STK3: variants seen among roughly 807,000 people sequenced by gnomAD.
STK3 encodes the protein serine/threonine kinase 3, also known as serine/threonine-protein kinase 3.
A neutral mutation model predicts 58.0 loss-of-function variants in STK3; 41 were observed. The ratio of observed to expected loss-of-function variants is 0.71; its 90% CI spans 0.55 to 0.92. The LOEUF (loss-of-function observed/expected upper bound fraction) is 0.92. Ranked by LOEUF, STK3 falls within the 40% of genes least tolerant of loss-of-function variation. The probability of loss-of-function intolerance (pLI) is 0.00; values close to 1 mark genes in which losing one functional copy is unlikely to be tolerated. For synonymous variants in STK3, 170 were observed against 191.0 expected (o/e 0.89, Z 0.91); for missense variants, 479 against 602.7 (o/e 0.79, Z 2.15).
chr8:98,759,482 T>A (rs1425563721), intron 3 of STK3, among the ~76,000 whole-genome samples: 1 of 152,076 alleles, frequency 6.6e-6, no homozygotes, highest in African/African-American at 2.4e-5. Flanking sequence ...AGATCACTGA[T>A]CACAGATCAC....
At chr8:98,621,629 A>G (rs897532206) in intron 6 of STK3, among the ~76,000 whole-genome samples, 1 of 151,182 alleles carries the variant, frequency 6.6e-6, no homozygotes. Context: ...AATTGCATCA[A>G]ATTTTTTTTT....
downstream of STK3, among the ~76,000 whole-genome samples, chr8:98,449,634 A>G (rs774936260): frequency 6.6e-6 from 1 of 152,146 alleles, no homozygotes; most frequent in African/African-American, 2.4e-5. Context: ...TAATCATCTT[A>G]AAGAGGAGGG....
At chr8:98,741,100 C>T (rs555865954) in intron 4 of STK3, among the ~76,000 whole-genome samples, 1 of 152,238 alleles carries the variant, frequency 6.6e-6, no homozygotes, top group South Asian at 2.1e-4. Context: ...TAAAGCAAGT[C>T]CTGACTGACC....
chr8:98,708,386 A>T (rs1293461598), intron 4 of STK3, among the ~76,000 whole-genome samples: 1 of 152,150 alleles, frequency 6.6e-6, no homozygotes, highest in Non-Finnish European at 1.5e-5. Context: ...GCTTGCAATG[A>T]ATCTTCTGCG....
chr8:98,578,317 A>T (rs1417004880), intron 8 of STK3, among the ~76,000 whole-genome samples: 2 of 152,224 alleles, frequency 1.3e-5, no homozygotes, highest in Non-Finnish European at 2.9e-5. Context: ...CCTGAAAAAA[A>T]TACCTTTTGA....
At chr8:98,767,986 G>A (rs1458447295) in intron 2 of STK3, among the ~76,000 whole-genome samples, 1 of 152,198 alleles carries the variant, frequency 6.6e-6, no homozygotes, top group African/African-American at 2.4e-5. Flanking sequence ...GGGTCTAATA[G>A]TCACTTGCCC....
chr8:98,934,697 C>A (rs962852971), intron 1 of STK3, among the ~76,000 whole-genome samples: 11 of 152,170 alleles, frequency 7.2e-5, no homozygotes, highest in Non-Finnish European at 1.5e-4. Context: ...GGATGGACCA[C>A]CTGAGGTCAG....
intron 4 of STK3, among the ~76,000 whole-genome samples, chr8:98,747,151 A>ATATT (rs1464665937): frequency 6.6e-6 from 1 of 151,962 alleles, no homozygotes; most frequent in East Asian, 1.9e-4. Flanking sequence ...ATACTAACAG[A>ATATT]TATTCTTCAG....
intron 10 of STK3, among the ~76,000 whole-genome samples, chr8:98,520,157 T>C (rs182314708): frequency 1.5e-4 from 23 of 152,300 alleles, no homozygotes; most frequent in Admixed American, 1.5e-3. Flanking sequence ...ACTAGTGCTA[T>C]AATAAACAGA....
intron 10 of STK3, among the ~76,000 whole-genome samples, chr8:98,511,096 T>TA (rs1459708831): frequency 6.6e-6 from 1 of 152,084 alleles, no homozygotes; most frequent in Non-Finnish European, 1.5e-5. Context: ...ATATGAATAA[T>TA]AACATATTCT....
intron 8 of STK3, among the ~76,000 whole-genome samples, chr8:98,570,636 C>T (rs1328749630): frequency 6.6e-6 from 1 of 151,696 alleles, no homozygotes; most frequent in Non-Finnish European, 1.5e-5. Context: ...AAAAAAAACC[C>T]GAAAACTAAA....
chr8:98,814,755 G>A (rs537074386), intron 1 of STK3, among the ~76,000 whole-genome samples: 10 of 152,090 alleles, frequency 6.6e-5, no homozygotes, highest in Non-Finnish European at 1.3e-4. Context: ...CATGATCATC[G>A]CTCACTGGAA....
intron 3 of STK3, among the ~76,000 whole-genome samples, chr8:98,846,186 T>C (rs892930086): frequency 6.6e-6 from 1 of 152,210 alleles, no homozygotes; most frequent in South Asian, 2.1e-4. Context: ...CTATGGGTAA[T>C]GTAGACTTCC....
At chr8:98,717,651 AG>A (rs149496598) in intron 4 of STK3, among the ~76,000 whole-genome samples, 4,796 of 152,292 alleles carry the variant, frequency 0.031, 109 homozygotes, top group Non-Finnish European at 0.047. Context: ...CTTTTGACCC[AG>A]CAATTCCACT....
At chr8:98,854,207 C>T (rs1018197365) in intron 3 of STK3, among the ~76,000 whole-genome samples, 2 of 152,200 alleles carry the variant, frequency 1.3e-5, no homozygotes, top group African/African-American at 2.4e-5. Context: ...GGCATGATCT[C>T]GGCTCACTGC....
intron 7 of STK3, among the ~76,000 whole-genome samples, chr8:98,580,892 T>C (rs1586916015): frequency 6.6e-6 from 1 of 152,212 alleles, no homozygotes; most frequent in South Asian, 2.1e-4. Context: ...AAACATATCA[T>C]TTGGGACAAC....
intron 4 of STK3, among the ~76,000 whole-genome samples, chr8:98,710,415 C>G (rs532097373): frequency 3.1e-4 from 47 of 152,310 alleles, no homozygotes; most frequent in South Asian, 6.2e-4. Context: ...TGACAGATGG[C>G]ACCTGGAAAA....
chr8:98,698,254 T>C (rs1293586027), intron 6 of STK3, among the ~76,000 whole-genome samples: 1 of 151,594 alleles, frequency 6.6e-6, no homozygotes, highest in Non-Finnish European at 1.5e-5. Context: ...AGCCTATGTG[T>C]GTCTCTGCAC....
intron 1 of STK3, among the ~76,000 whole-genome samples, chr8:98,901,202 T>A (rs975666173): frequency 2.6e-5 from 4 of 152,244 alleles, no homozygotes; most frequent in Non-Finnish European, 4.4e-5. Flanking sequence ...CTTAACTCTC[T>A]AAGCCTCTGT....
Sources: allele counts gnomAD v4.1 joint callset (sites outside exome capture counted in the v4.1 genomes callset), GRCh38; gene constraint gnomAD v4.1.1; transcripts MANE v1.5; gene names NCBI Gene and HGNC (gene_info 2026-07-23, HGNC 2026-07-21).